The following THRB variants were observed in gnomAD, a reference collection of about 807,000 sequenced individuals.
The protein encoded by THRB is nuclear receptor subfamily 1 group A member 2.
In THRB, 12 loss-of-function variants were observed where a neutral mutation model predicts 47.8. That is an observed-to-expected ratio of 0.25 (90% CI 0.16 to 0.41). The LOEUF is 0.41. Among genes scored for constraint, THRB ranks in the 10% least tolerant of loss-of-function variants. The pLI, the probability that THRB is intolerant of heterozygous loss-of-function variation, is 1.00. For synonymous variants in THRB, 218 were observed against 212.2 expected (o/e 1.03, Z -0.24); for missense variants, 348 against 589.2 (o/e 0.59, Z 4.24).
chr3:24,466,396 T>G (rs551735648), intron 1 of THRB, among the ~76,000 whole-genome samples: 2 of 152,304 alleles, frequency 1.3e-5, no homozygotes, highest in East Asian at 3.9e-4. Context: ...TTTCTATCAC[T>G]TGGGCTACTC....
At chr3:24,286,160 A>G (rs2150916821) in intron 3 of THRB, among the ~76,000 whole-genome samples, 1 of 152,314 alleles carries the variant, frequency 6.6e-6, no homozygotes, top group Non-Finnish European at 1.5e-5. Flanking sequence ...TTGGACACCC[A>G]AGCCTCAAGA....
intron 1 of THRB, among the ~76,000 whole-genome samples, chr3:24,355,763 G>A (rs13095286): frequency 0.16 from 24,116 of 151,906 alleles, 2,401 homozygotes; most frequent in Middle Eastern, 0.23. Flanking sequence ...CAAGGTATAC[G>A]TATATTAGTA....
chr3:24,375,373 A>ACATATAATATTAATATATTTAGG (rs2065199525), intron 1 of THRB, among the ~76,000 whole-genome samples: 1 of 143,338 alleles, frequency 7.0e-6, no homozygotes, highest in Non-Finnish European at 1.5e-5. Context: ...TTATATTTAG[A>ACATATAATATTAATATATTTAGG]CATATAATAT....
At chr3:24,489,240 CAAAAAAAAAATAA>C (rs907512611) in intron 1 of THRB, among the ~76,000 whole-genome samples, 2 of 137,940 alleles carry the variant, frequency 1.4e-5, no homozygotes, top group African/African-American at 2.7e-5. Flanking sequence ...GACTCTGTCG[CAAAAAAAAAATAA>C]GAAAAAAAAA....
chr3:24,290,610 C>A (rs909116291), intron 3 of THRB, among the ~76,000 whole-genome samples: 3 of 152,154 alleles, frequency 2.0e-5, no homozygotes, highest in African/African-American at 7.2e-5. Context: ...AGACACGATG[C>A]ACAATCAAGT....
In THRB at chr3:24,299,766, C is replaced by CTTTTTTTTTTTTTTTTTTTTTTTT. The variant is rs1360367092; in HGVS notation, c.-188-2396_-188-2395insAAAAAAAAAAAAAAAAAAAAAAAA. 1.5e-4 allele frequency among the ~76,000 whole-genome samples: 9 copies of CTTTTTTTTTTTTTTTTTTTTTTTT among 58,566 alleles called. 3 individuals are homozygous for CTTTTTTTTTTTTTTTTTTTTTTTT. Among genetic ancestry groups the CTTTTTTTTTTTTTTTTTTTTTTTT allele is most frequent in the African/African-American group, 6.5e-4 (8 of 12,366 alleles). 38.4% of individuals were successfully genotyped at this position (58,566 alleles called of 152,430 possible). A position where few individuals can be genotyped will look rare whatever the true frequency, so the allele number is the denominator to read the frequency against. On this transcript the variant is annotated intron_variant, in intron 2 of 10. Coordinates refer to ENST00000646209, the MANE Select transcript of THRB (RefSeq NM_001354712.2). ...GCCTTGAGGCTTCTGGGGAAGTATG[C>CTTTTTTTTTTTTTTTTTTTTTTTT]TTTTTTATTTATTTATTTATTTATT...
chr3:24,425,347 T>G (rs2069651395), intron 1 of THRB, among the ~76,000 whole-genome samples: 1 of 151,952 alleles, frequency 6.6e-6, no homozygotes, highest in South Asian at 2.1e-4. Context: ...TTAATGAAGT[T>G]AAATCTTTTT....
chr3:24,124,510 G>A (rs1259909919), intron 10 of THRB, among the ~76,000 whole-genome samples: 1 of 152,176 alleles, frequency 6.6e-6, no homozygotes, highest in Non-Finnish European at 1.5e-5. Context: ...AAGAGATAAA[G>A]ACGAGATGGC....
intron 8 of THRB, among the ~76,000 whole-genome samples, chr3:24,134,015 G>A (rs1031805901): frequency 1.3e-5 from 2 of 152,196 alleles, no homozygotes; most frequent in Non-Finnish European, 1.5e-5. Flanking sequence ...AGGGTTGAGG[G>A]GGAAGATTGC....
At chr3:24,249,806 T>C (rs1278025800) in intron 3 of THRB, among the ~76,000 whole-genome samples, 2 of 152,230 alleles carry the variant, frequency 1.3e-5, no homozygotes, top group Non-Finnish European at 2.9e-5. Flanking sequence ...ATTACCCTGG[T>C]CTGCAACACC....
chr3:24,315,629 C>G (rs894478600), intron 2 of THRB, among the ~76,000 whole-genome samples: 1 of 152,150 alleles, frequency 6.6e-6, no homozygotes, highest in Admixed American at 6.5e-5. Flanking sequence ...GTAACCTAAA[C>G]CCCTAGTGAA....
chr3:24,354,641 T>C (rs1577060369), intron 1 of THRB, among the ~76,000 whole-genome samples: 1 of 151,908 alleles, frequency 6.6e-6, no homozygotes, highest in Non-Finnish European at 1.5e-5. Flanking sequence ...AATGGAAGGG[T>C]AGGAGGGGAT....
chr3:24,350,730 T>C (rs1233206076), intron 1 of THRB, among the ~76,000 whole-genome samples: 1 of 152,188 alleles, frequency 6.6e-6, no homozygotes, highest in African/African-American at 2.4e-5. Context: ...GGTGATCATA[T>C]AGGTGGATTT....
chr3:24,293,929 G>T (rs1052737484), intron 3 of THRB, among the ~76,000 whole-genome samples: 2 of 152,150 alleles, frequency 1.3e-5, no homozygotes. Context: ...TTCCAGTGTG[G>T]TAGATTGTTT....
At chr3:24,457,285 A>C (rs1363524457) in intron 1 of THRB, among the ~76,000 whole-genome samples, 1 of 152,114 alleles carries the variant, frequency 6.6e-6, no homozygotes, top group Non-Finnish European at 1.5e-5. Flanking sequence ...GGCTGGCTAA[A>C]TTCTTTTATC....
intron 1 of THRB, among the ~76,000 whole-genome samples, chr3:24,416,552 A>G (rs536425748): frequency 6.6e-6 from 1 of 152,002 alleles, no homozygotes; most frequent in South Asian, 2.1e-4. Flanking sequence ...TAAAAGACTA[A>G]TCCAGTTGTT....
At chr3:24,481,835 CAT>C in intron 1 of THRB, among the ~76,000 whole-genome samples, 1 of 128,862 alleles carries the variant, frequency 7.8e-6, no homozygotes, top group South Asian at 2.5e-4. Flanking sequence ...GAATATGGAC[CAT>C]AAAAAAAAAA....
chr3:24,227,320 C>G (rs978201372), intron 4 of THRB, among the ~76,000 whole-genome samples: 2 of 152,196 alleles, frequency 1.3e-5, no homozygotes, highest in African/African-American at 4.8e-5. Flanking sequence ...CTCCTCCTGA[C>G]TGAGATTGCC....
chr3:24,312,956 T>A (rs2057852903), intron 2 of THRB, among the ~76,000 whole-genome samples: 2 of 152,152 alleles, frequency 1.3e-5, no homozygotes. Flanking sequence ...GATGGTGGCT[T>A]GACCCAGCAG....
Sources: gnomAD v4.1 joint callset for allele counts (sites outside exome capture counted in the v4.1 genomes callset) on GRCh38, gnomAD v4.1.1 for gene constraint, MANE v1.5 for transcripts, NCBI Gene and HGNC (gene_info 2026-07-23, HGNC 2026-07-21) for gene names.